The following LRRTM4 variants were observed in gnomAD, a reference collection of about 807,000 sequenced individuals.
LRRTM4 encodes the protein leucine rich repeat transmembrane neuronal 4.
In LRRTM4, 25 loss-of-function variants were observed where a neutral mutation model predicts 47.6. The observed-to-expected ratio is 0.53, with a 90% CI of 0.38 to 0.73. The LOEUF (loss-of-function observed/expected upper bound fraction) is 0.73, where lower values mean the gene tolerates loss of function less well. Ranked by LOEUF, LRRTM4 falls within the 30% of genes least tolerant of loss-of-function variation. The probability of loss-of-function intolerance (pLI) is 0.00; values close to 1 mark genes in which losing one functional copy is unlikely to be tolerated. For synonymous variants in LRRTM4, 311 were observed against 269.5 expected, an observed-to-expected ratio of 1.15 and a Z score of -1.51; for missense variants, 638 against 713.4, an observed-to-expected ratio of 0.89 and a Z score of 1.20.
At chr2:77,051,959 C>T (rs192513903) in intron 3 of LRRTM4, among the ~76,000 whole-genome samples, 249 of 152,086 alleles carry the variant, frequency 1.6e-3, no homozygotes, top group African/African-American at 5.5e-3. Context: ...CTTTCATTTC[C>T]ATTTTATCCT....
At chr2:77,188,626 A>G (rs2103873274) in intron 3 of LRRTM4, among the ~76,000 whole-genome samples, 1 of 152,186 alleles carries the variant, frequency 6.6e-6, no homozygotes, top group African/African-American at 2.4e-5. Context: ...CCACACTGCA[A>G]CCTCTTCCGC....
intron 3 of LRRTM4, among the ~76,000 whole-genome samples, chr2:77,249,549 A>G (rs757022131): frequency 1.3e-5 from 2 of 152,162 alleles, no homozygotes; most frequent in South Asian, 2.1e-4. Context: ...GCAAAAAAGC[A>G]TATAAACAGA....
At chr2:76,779,166 G>T (rs1174893425) in intron 3 of LRRTM4, among the ~76,000 whole-genome samples, 1 of 152,010 alleles carries the variant, frequency 6.6e-6, no homozygotes, top group African/African-American at 2.4e-5. Flanking sequence ...TTGCTGAGGA[G>T]AGCTTTACTT....
intron 3 of LRRTM4, among the ~76,000 whole-genome samples, chr2:76,885,969 C>A (rs1183020621): frequency 1.3e-5 from 2 of 151,978 alleles, no homozygotes; most frequent in Non-Finnish European, 2.9e-5. Context: ...AAATAGCATA[C>A]CTCCAGAAAA....
intron 3 of LRRTM4, among the ~76,000 whole-genome samples, chr2:77,224,778 T>A (rs2103957280): frequency 6.6e-6 from 1 of 152,244 alleles, no homozygotes; most frequent in African/African-American, 2.4e-5. Context: ...TGTAAACTAG[T>A]TCAACCATTG....
intron 3 of LRRTM4, among the ~76,000 whole-genome samples, chr2:77,291,139 AT>A (rs67909616): frequency 0.36 from 55,145 of 151,838 alleles, 14,553 homozygotes; most frequent in African/African-American, 0.73. Context: ...ACTGTTTGAG[AT>A]TTTTATTATA....
At chr2:77,227,321 G>C (rs1674842606) in intron 3 of LRRTM4, among the ~76,000 whole-genome samples, 1 of 151,970 alleles carries the variant, frequency 6.6e-6, no homozygotes, top group African/African-American at 2.4e-5. Context: ...TTTGCTGAGT[G>C]AAATAAATTT....
intron 3 of LRRTM4, among the ~76,000 whole-genome samples, chr2:77,151,881 A>G (rs1206601547): frequency 6.6e-6 from 1 of 152,176 alleles, no homozygotes; most frequent in African/African-American, 2.4e-5. Context: ...GTCCTTTAGT[A>G]TGTATCCACC....
intron 3 of LRRTM4, among the ~76,000 whole-genome samples, chr2:76,762,314 C>A (rs1308158223): frequency 1.3e-5 from 2 of 152,100 alleles, no homozygotes; most frequent in Non-Finnish European, 2.9e-5. Flanking sequence ...TTTTCCTGGC[C>A]ATCACCCAGA....
chr2:76,884,447 A>C lies in LRRTM4; in HGVS notation c.1552-135531T>G, dbSNP rs1169023863. Among the ~76,000 whole-genome samples, 3 of 152,316 alleles carry C rather than the reference A, an allele frequency of 2.0e-5. No individual in the cohort carries two copies. The East Asian group carries it at 5.8e-4, about 29-fold the overall frequency. On this transcript the variant is annotated intron_variant, in intron 3 of 3. Transcript: ENST00000409884. Reference sequence around the variant, plus strand: ...GAAAATGACTAAATTCCAAAGACAGACAGATGTTTAGCAAACTATAATTAC... The same window carrying C: ...GAAAATGACTAAATTCCAAAGACAGCCAGATGTTTAGCAAACTATAATTAC...
At chr2:76,932,164 C>T (rs1156729720) in intron 3 of LRRTM4, among the ~76,000 whole-genome samples, 2 of 152,186 alleles carry the variant, frequency 1.3e-5, no homozygotes, top group East Asian at 3.9e-4. Context: ...CACGGAGCAT[C>T]ATATCCAGAT....
At chr2:77,176,120 T>C (rs984593302) in intron 3 of LRRTM4, among the ~76,000 whole-genome samples, 1 of 152,114 alleles carries the variant, frequency 6.6e-6, no homozygotes, top group African/African-American at 2.4e-5. Context: ...TGCTTGAGGC[T>C]TTGTAAATTA....
rs753913614 is a variant in LRRTM4, at chr2:77,081,003, C to G, written c.1552-332087G>C. 6.6e-5 allele frequency among the ~76,000 whole-genome samples: 10 copies of G among 152,116 alleles called. No homozygotes were observed. In the South Asian group the frequency reaches 1.9e-3, roughly 28 times the overall value. ...CACAACCCAGCTATGTACTAGGTAACTGCCTCAATTATTTTCTTGCTTTAA... is the reference window on the plus strand; with the variant it reads ...CACAACCCAGCTATGTACTAGGTAAGTGCCTCAATTATTTTCTTGCTTTAA... On this transcript the variant is annotated intron_variant, in intron 3 of 3. Transcript: ENST00000409884.
At chr2:77,002,282 G>A (rs1226095319) in intron 3 of LRRTM4, among the ~76,000 whole-genome samples, 2 of 152,136 alleles carry the variant, frequency 1.3e-5, no homozygotes, top group Non-Finnish European at 2.9e-5. Context: ...TTCAGAAGGA[G>A]TGAAATTTGG....
intron 3 of LRRTM4, among the ~76,000 whole-genome samples, chr2:77,109,368 A>T (rs1277654578): frequency 6.6e-6 from 1 of 152,226 alleles, no homozygotes; most frequent in Non-Finnish European, 1.5e-5. Context: ...CTAAAAGATA[A>T]TTAAAGTAGA....
At chr2:77,396,107 A>C (rs1673689630) in intron 3 of LRRTM4, among the ~76,000 whole-genome samples, 1 of 151,894 alleles carries the variant, frequency 6.6e-6, no homozygotes, top group Non-Finnish European at 1.5e-5. Context: ...GGATATGTTT[A>C]ATTTTGTTGT....
intron 3 of LRRTM4, among the ~76,000 whole-genome samples, chr2:77,336,497 G>C (rs1278101914): frequency 1.3e-5 from 2 of 152,058 alleles, no homozygotes; most frequent in African/African-American, 4.8e-5. Flanking sequence ...GAATCTAACA[G>C]CACACCAAAA....
chr2:77,484,987 A>C (rs192695052), intron 3 of LRRTM4, among the ~76,000 whole-genome samples: 194 of 152,262 alleles, frequency 1.3e-3, no homozygotes, highest in African/African-American at 4.6e-3. Context: ...AAGTTTTACA[A>C]GTGCTTAATG....
intron 3 of LRRTM4, among the ~76,000 whole-genome samples, chr2:77,225,751 T>G (rs538931162): frequency 4.6e-5 from 7 of 152,212 alleles, no homozygotes; most frequent in South Asian, 2.1e-4. Flanking sequence ...ATAGCTTAAA[T>G]TTACCTAGAG....
Sources: gnomAD v4.1 joint callset for allele counts (sites outside exome capture counted in the v4.1 genomes callset) on GRCh38, gnomAD v4.1.1 for gene constraint, MANE v1.5 for transcripts, NCBI Gene and HGNC (gene_info 2026-07-23, HGNC 2026-07-21) for gene names.